SHLD1: variants seen among roughly 807,000 people sequenced by gnomAD.
The protein encoded by SHLD1 is RINN1-REV7-interacting novel NHEJ regulator 3.
SHLD1 carries 3 observed loss-of-function variants against 5.5 expected under a neutral mutation model. The ratio of observed to expected loss-of-function variants is 0.54; its 90% confidence interval spans 0.25 to 1.40. SHLD1 has a LOEUF of 1.40. SHLD1 is among the 40% of genes most tolerant of loss of function. The pLI, the probability that SHLD1 is intolerant of heterozygous loss-of-function variation, is 0.15. For synonymous variants in SHLD1, 92 were observed against 94.3 expected (o/e 0.98, Z 0.14); for missense variants, 210 against 244.4 (o/e 0.86, Z 0.94).
At chr20:5,770,383 C>T (rs1322650726) in intron 1 of SHLD1, among the ~76,000 whole-genome samples, 1 of 152,188 alleles carries the variant, frequency 6.6e-6, no homozygotes, top group African/African-American at 2.4e-5. Context: ...GTCCACATGG[C>T]TGGTTCTGGT....
intron 2 of SHLD1, among the ~76,000 whole-genome samples, chr20:5,830,219 A>G (rs894007438): frequency 6.6e-6 from 1 of 152,250 alleles, no homozygotes; most frequent in African/African-American, 2.4e-5. Flanking sequence ...TAGAAACTCT[A>G]TACATGCCCT....
At chr20:5,827,112 A>G (rs991084706) in intron 2 of SHLD1, among the ~76,000 whole-genome samples, 2 of 125,776 alleles carry the variant, frequency 1.6e-5, no homozygotes, top group East Asian at 2.4e-4. Context: ...TGAAGAGCTT[A>G]TGTACAAAGG....
At chr20:5,839,495 A>AGATC (rs1214667296) in intron 2 of SHLD1, among the ~76,000 whole-genome samples, 2 of 98,152 alleles carry the variant, frequency 2.0e-5, no homozygotes, top group East Asian at 7.4e-4. Flanking sequence ...AAAGATAGAT[A>AGATC]GATAGATAGA....
chr20:5,790,078 A>G (rs1256994713), intron 2 of SHLD1, among the ~76,000 whole-genome samples: 3 of 152,176 alleles, frequency 2.0e-5, no homozygotes, highest in African/African-American at 7.2e-5. Flanking sequence ...CTGCCAGTTC[A>G]ACAAATGATC....
chr20:5,849,108 C>A (rs2087967190), intron 2 of SHLD1, among the ~76,000 whole-genome samples: 1 of 152,154 alleles, frequency 6.6e-6, no homozygotes, highest in African/African-American at 2.4e-5. Flanking sequence ...TCGTGGAAGG[C>A]AGGGTTGCTA....
chr20:5,822,873 G>C (rs2087622384), intron 2 of SHLD1, among the ~76,000 whole-genome samples: 1 of 151,336 alleles, frequency 6.6e-6, no homozygotes. Flanking sequence ...CTGTTTCTCT[G>C]TTCCTTTTTA....
chr20:5,839,190 G>A (rs2087825618), intron 2 of SHLD1, among the ~76,000 whole-genome samples: 1 of 152,150 alleles, frequency 6.6e-6, no homozygotes, highest in South Asian at 2.1e-4. Context: ...TGGCAGATTT[G>A]CATTTTACAA....
At chr20:5,833,210 G>C (rs983304816) in intron 2 of SHLD1, among the ~76,000 whole-genome samples, 3 of 152,114 alleles carry the variant, frequency 2.0e-5, no homozygotes, top group African/African-American at 7.2e-5. Flanking sequence ...CTCTGAGCTT[G>C]TCCCCAGTTT....
intron 2 of SHLD1, among the ~76,000 whole-genome samples, chr20:5,803,345 C>A (rs1174504528): frequency 6.6e-6 from 1 of 151,870 alleles, no homozygotes; most frequent in African/African-American, 2.4e-5. Context: ...TAAAAAAATT[C>A]TTTTGTAGAG....
At chr20:5,833,707 AAC>A (rs896291980) in intron 2 of SHLD1, among the ~76,000 whole-genome samples, 3 of 152,014 alleles carry the variant, frequency 2.0e-5, no homozygotes, top group Non-Finnish European at 4.4e-5. Context: ...GACAGGGAGA[AAC>A]ACAGAGAGAG....
intron 1 of SHLD1, among the ~76,000 whole-genome samples, chr20:5,769,577 G>A (rs543637946): frequency 6.6e-6 from 1 of 152,208 alleles, no homozygotes; most frequent in Non-Finnish European, 1.5e-5. Context: ...CACAGTAGGA[G>A]ATGAACAACA....
chr20:5,771,879 T>TC (rs1985178283), intron 1 of SHLD1: 1 of 152,044 alleles, frequency 6.6e-6, no homozygotes, highest in African/African-American at 2.8e-5. Flanking sequence ...TTTTTTTTTT[T>TC]TTTTTTTTTT....
At chr20:5,837,415 T>G (rs2087802850) in intron 2 of SHLD1, among the ~76,000 whole-genome samples, 1 of 152,206 alleles carries the variant, frequency 6.6e-6, no homozygotes, top group South Asian at 2.1e-4. Flanking sequence ...ACCTAGGTGT[T>G]AAGCCCAGCG....
At chr20:5,774,358 G>A (rs1286822965) in intron 2 of SHLD1, among the ~76,000 whole-genome samples, 1 of 152,204 alleles carries the variant, frequency 6.6e-6, no homozygotes, top group Non-Finnish European at 1.5e-5. Context: ...TTGCCTTCAA[G>A]AATTCTATGG....
rs746382826 is a variant in SHLD1, at chr20:5,773,019, C to T, written c.154C>T (p.Pro52Ser). Residue 52 changes from proline to serine, a missense_variant, in exon 2 of 3, where the codon CCT becomes TCT. By Grantham distance (74) the Pro-to-Ser change is moderately conservative. Coordinates refer to ENST00000303142, the MANE Select transcript of SHLD1 (RefSeq NM_152504.4). ...CAGTTCTTTGGAATTCCATTCTTTT[C>T]CTTATTCTTCTGATGTGGATCCAGG... ...AFSSLEFHSFPYSSDVDPDTS... is the reference protein window; with the variant it reads ...AFSSLEFHSFSYSSDVDPDTS... 6.2e-7 allele frequency: 1 copy of T among 1,614,184 alleles called. No homozygotes were observed. The highest frequency in any genetic ancestry group is 8.5e-7 in the Non-Finnish European group (1 of 1,180,034).
At chr20:5,807,098 G>A (rs903760613) in intron 2 of SHLD1, among the ~76,000 whole-genome samples, 14 of 152,176 alleles carry the variant, frequency 9.2e-5, no homozygotes, top group African/African-American at 3.4e-4. Context: ...TGCCTGGTAC[G>A]CCTCTCTTGT....
At chr20:5,801,913 G>A (rs1555141) in intron 2 of SHLD1, among the ~76,000 whole-genome samples, 52,312 of 151,178 alleles carry the variant, frequency 0.35, 9,383 homozygotes, top group East Asian at 0.65. Flanking sequence ...ATAAAGTTCC[G>A]TGTTCAAAAG....
At chr20:5,803,442 T>C (rs1399109022) in intron 2 of SHLD1, among the ~76,000 whole-genome samples, 1 of 152,172 alleles carries the variant, frequency 6.6e-6, no homozygotes, top group Admixed American at 6.5e-5. Context: ...GCATTGGGAT[T>C]ATAGGCATGA....
chr20:5,774,489 A>G (rs902327937), intron 2 of SHLD1, among the ~76,000 whole-genome samples: 1 of 152,204 alleles, frequency 6.6e-6, no homozygotes, highest in African/African-American at 2.4e-5. Flanking sequence ...ATAAAGAGAT[A>G]CCTGAGACTG....
Sources: allele counts gnomAD v4.1 joint callset (sites outside exome capture counted in the v4.1 genomes callset), GRCh38; gene constraint gnomAD v4.1.1; transcripts MANE v1.5; gene names NCBI Gene and HGNC (gene_info 2026-07-23, HGNC 2026-07-21).